Variants in NLRP14 observed in about 807,000 individuals in gnomAD.
NLRP14 encodes the protein NLR family pyrin domain containing 14, also known as NACHT, LRR and PYD domains-containing protein 14.
In NLRP14, 105 loss-of-function variants were observed where a neutral mutation model predicts 94.7. That is an observed-to-expected ratio of 1.11 (90% CI 0.95 to 1.30). NLRP14 has a LOEUF of 1.30. Among genes scored for constraint, NLRP14 ranks in the 50% most tolerant of loss-of-function variants. NLRP14 has a pLI of 0.00. For synonymous variants in NLRP14, 508 were observed against 459.9 expected, an observed-to-expected ratio of 1.10 and a Z score of -1.34; for missense variants, 1,362 against 1,254.1, an observed-to-expected ratio of 1.09 and a Z score of -1.30.
intron 4 of NLRP14, 78 bp from the exon 5 acceptor site, chr11:7,046,590 C>A: frequency 7.4e-7 from 1 of 1,353,886 alleles, no homozygotes; most frequent in Non-Finnish European, 1.1e-6. Context: ...TACTTTTACT[C>A]CAATACTATC....
rs1852297685 is a variant in NLRP14, at chr11:7,043,390, C to G, written c.1364C>G (p.Ser455Cys). ...CTCAGAAGGCTTGGGTTAACTCAATCTGATGTCTCTAGTTTTATGGACAGC... is the reference window on the plus strand; with the variant it reads ...CTCAGAAGGCTTGGGTTAACTCAATGTGATGTCTCTAGTTTTATGGACAGC... ...ENLRRLGLTQ[S>C]DVSSFMDSNI... Residue 455 changes from serine (S) to cysteine (C), a missense_variant, in exon 4 of 12, where the codon TCT becomes TGT. Coordinates refer to ENST00000299481, the MANE Select transcript of NLRP14 (RefSeq NM_176822.4). The G allele has an allele frequency of 1.9e-6, 3 of 1,614,134 alleles. No homozygotes were observed. Among genetic ancestry groups the G allele is most frequent in the Middle Eastern group, 1.6e-4 (1 of 6,062 alleles).
chr11:7,042,431 C>T lies in NLRP14; in HGVS notation c.405C>T (p.Cys135=), dbSNP rs1463251828. 5 of 1,613,850 alleles carry T rather than the reference C, an allele frequency of 3.1e-6. No individual in the cohort carries two copies. The highest frequency in any genetic ancestry group is 4.5e-5 in the East Asian group (2 of 44,878). ...EYRNRIKEKF[C]ITWDKKSLAG... The stretch of plus-strand genomic sequence containing the variant: ...GAAATAGAATAAAGGAAAAATTTTG[C>T]ATCACTTGGGACAAGAAGTCTTTGG... The change falls in exon 4 of 12, where the codon TGC becomes TGT. Residue 135 remains cysteine (C), a synonymous_variant. Transcript: ENST00000299481.
intron 5 of NLRP14, 134 bp downstream of exon 5, chr11:7,046,966 A>ACGCC: frequency 1.3e-6 from 1 of 748,524 alleles, no homozygotes; most frequent in Non-Finnish European, 2.4e-6. Flanking sequence ...AACAGGAACA[A>ACGCC]TGGAATCCTC....
chr11:7,044,131 T>A, intron 4 of NLRP14, 147 bp downstream of exon 4: 1 of 812,316 alleles, frequency 1.2e-6, no homozygotes, highest in Non-Finnish European at 2.0e-6. Context: ...GCTAAGCATT[T>A]AAACCCCTTA....
At chr11:7,052,046 G>A (rs938313186) in intron 6 of NLRP14, among the ~76,000 whole-genome samples, 2 of 152,120 alleles carry the variant, frequency 1.3e-5, no homozygotes, top group Non-Finnish European at 2.9e-5. Flanking sequence ...CCTTATAATA[G>A]GTCTTAAAAT....
At chr11:7,044,162 G>T (rs1372662416) in intron 4 of NLRP14, among the ~76,000 whole-genome samples, 178 bp downstream of exon 4, 1 of 152,178 alleles carries the variant, frequency 6.6e-6, no homozygotes, top group Non-Finnish European at 1.5e-5. Context: ...ATGGCTACTG[G>T]TGAGGAGTGG....
chr11:7,050,332 G>T (rs1418267661), intron 6 of NLRP14, among the ~76,000 whole-genome samples: 6 of 152,158 alleles, frequency 3.9e-5, no homozygotes, highest in African/African-American at 7.2e-5. Context: ...GCATGGAAAT[G>T]GTCCTCTTTC....
At chr11:7,031,996 C>G (rs1852105661) in intron 1 of NLRP14, among the ~76,000 whole-genome samples, 1 of 152,218 alleles carries the variant, frequency 6.6e-6, no homozygotes, top group African/African-American at 2.4e-5. Context: ...CAAAATTGCT[C>G]TCTCTATGCA....
downstream of NLRP14, among the ~76,000 whole-genome samples, chr11:7,074,515 C>G (rs1002818121): frequency 6.6e-6 from 1 of 152,210 alleles, no homozygotes; most frequent in African/African-American, 2.4e-5. Context: ...AAGGAAAACT[C>G]CAACAAAGGT....
the NLRP14 span, chr11:7,089,534 C>T: frequency 8.3e-7 from 1 of 1,207,610 alleles, no homozygotes; most frequent in Non-Finnish European, 1.0e-6. Flanking sequence ...CGGATTTCGA[C>T]CTGCGGCCCT....
the NLRP14 span, chr11:7,089,555 G>A: frequency 8.3e-7 from 1 of 1,199,618 alleles, no homozygotes; most frequent in Non-Finnish European, 1.0e-6. Context: ...CCAGGGCCCC[G>A]ATGCCCATGA....
At chr11:7,061,646 A>T (rs1031805087) in intron 9 of NLRP14, among the ~76,000 whole-genome samples, 9 of 152,086 alleles carry the variant, frequency 5.9e-5, no homozygotes, top group African/African-American at 1.9e-4. Context: ...TGTTATAAGG[A>T]TATGACAACA....
intron 10 of NLRP14, among the ~76,000 whole-genome samples, chr11:7,067,968 T>G (rs892004798): frequency 2.0e-5 from 3 of 152,144 alleles, no homozygotes; most frequent in African/African-American, 4.8e-5. Flanking sequence ...TTCAATTTTT[T>G]AAATAATTAT....
intron 10 of NLRP14, among the ~76,000 whole-genome samples, chr11:7,064,340 G>A (rs955025819): frequency 6.6e-6 from 1 of 152,064 alleles, no homozygotes; most frequent in African/African-American, 2.4e-5. Context: ...ATAGTATATA[G>A]ACAGGCATGA....
rs1447767059 is a variant in NLRP14 at position 7,070,267 on chromosome 11, T to C, written c.2976-19T>C. 3 of 1,585,490 alleles carry C rather than the reference T, an allele frequency of 1.9e-6. No individual in the cohort carries two copies. Among genetic ancestry groups the C allele is most frequent in the Non-Finnish European group, 2.6e-6 (3 of 1,155,298 alleles). On this transcript the variant is annotated intron_variant, in intron 10 of 11. Coordinates refer to ENST00000299481, the MANE Select transcript of NLRP14 (RefSeq NM_176822.4). ...CATCGAATAAATTCATTTTTATCTTTTGTCTCTCTTCTCTACAGGTTGGAA... is the reference window on the plus strand; with the variant it reads ...CATCGAATAAATTCATTTTTATCTTCTGTCTCTCTTCTCTACAGGTTGGAA...
intron 10 of NLRP14, among the ~76,000 whole-genome samples, chr11:7,065,773 A>G (rs1341932392): frequency 2.0e-5 from 3 of 151,992 alleles, no homozygotes; most frequent in African/African-American, 7.3e-5. Flanking sequence ...GGTTTGTTAC[A>G]TAGGTATACA....
chr11:7,023,957 C>T (rs2119542853), intron 1 of NLRP14, among the ~76,000 whole-genome samples: 1 of 152,128 alleles, frequency 6.6e-6, no homozygotes, highest in Non-Finnish European at 1.5e-5. Flanking sequence ...CCCACCAGGC[C>T]CCACCTCCAC....
At chr11:7,057,173 A>G (rs1037700136) in intron 6 of NLRP14, among the ~76,000 whole-genome samples, 7 of 152,012 alleles carry the variant, frequency 4.6e-5, no homozygotes, top group African/African-American at 1.4e-4. Context: ...TAATCTTTAG[A>G]AACAATTTTG....
chr11:7,055,709 A>C (rs1007933433), intron 6 of NLRP14, among the ~76,000 whole-genome samples: 3 of 152,124 alleles, frequency 2.0e-5, no homozygotes, highest in African/African-American at 7.2e-5. Context: ...AGCAGAGCTT[A>C]TTCTAGGTAG....
Sources: allele counts gnomAD v4.1 joint callset (sites outside exome capture counted in the v4.1 genomes callset), GRCh38; gene constraint gnomAD v4.1.1; transcripts MANE v1.5; gene names NCBI Gene and HGNC (gene_info 2026-07-23, HGNC 2026-07-21).